Variants in XIRP2 observed in about 807,000 individuals in gnomAD.
The protein encoded by XIRP2 is xin actin binding repeat containing 2, also known as xin actin-binding repeat-containing protein 2.
Under a neutral mutation model 277.0 loss-of-function variants are expected in XIRP2, and 236 were observed. The observed-to-expected ratio is 0.85, with a 90% CI of 0.77 to 0.95. The LOEUF (loss-of-function observed/expected upper bound fraction) is 0.95. Ranked by LOEUF, XIRP2 falls within the 40% of genes least tolerant of loss-of-function variation. The pLI is 0.00. For missense variants in XIRP2, 4,640 were observed against 4,157.5 expected, an observed-to-expected ratio of 1.12 and a Z score of -3.19; for synonymous variants, 1,490 against 1,416.5, an observed-to-expected ratio of 1.05 and a Z score of -1.17.
chr2:166,947,363 G>T (rs1376362951), intron 2 of XIRP2, among the ~76,000 whole-genome samples: 1 of 152,072 alleles, frequency 6.6e-6, no homozygotes, highest in Non-Finnish European at 1.5e-5. Flanking sequence ...CAATTCTTTA[G>T]GGAGCACTTT....
chr2:166,913,326 C>T (rs995732388), intron 2 of XIRP2, among the ~76,000 whole-genome samples: 1 of 151,448 alleles, frequency 6.6e-6, no homozygotes, highest in African/African-American at 2.4e-5. Context: ...CCCCCCCAGC[C>T]TCGCTGCTGC....
At position 167,250,810 on chromosome 2, in the gene XIRP2, G is replaced by A. The variant is rs768044186; in HGVS notation, c.9418G>A (p.Glu3140Lys). 4 of 1,613,052 alleles carry A rather than the reference G, an allele frequency of 2.5e-6. No individual in the cohort carries two copies. The South Asian group carries it at 3.3e-5, about 13-fold the overall frequency. Reference protein sequence around the residue: ...ARRTENPTKNELSQSPKKDSY... With the variant: ...ARRTENPTKNKLSQSPKKDSY... ...ACGAACAGAAAACCCTACTAAGAAC[G>A]AGCTTTCTCAGTCCCCTAAAAAGGA... Residue 3140 changes from glutamate (E) to lysine (K), a missense_variant, in exon 9 of 11, where the codon GAG becomes AAG. Coordinates refer to ENST00000409195, the MANE Select transcript of XIRP2 (RefSeq NM_152381.6).
intron 2 of XIRP2, among the ~76,000 whole-genome samples, chr2:166,957,240 A>T (rs1428290993): frequency 6.6e-6 from 1 of 151,766 alleles, no homozygotes. Context: ...ATCATTCCTT[A>T]TTAAAATTAA....
chr2:167,078,860 G>T (rs577284113), intron 2 of XIRP2, among the ~76,000 whole-genome samples: 3 of 149,096 alleles, frequency 2.0e-5, no homozygotes, highest in South Asian at 4.3e-4. Flanking sequence ...AAAAAGGAAT[G>T]GCAAAAATCA....
At chr2:167,017,206 G>C (rs1271497292) in intron 2 of XIRP2, among the ~76,000 whole-genome samples, 1 of 151,956 alleles carries the variant, frequency 6.6e-6, no homozygotes, top group Non-Finnish European at 1.5e-5. Context: ...TCCTGAAGTT[G>C]TTCTCATGAC....
chr2:166,899,369 C>G (rs1684320119), intron 1 of XIRP2, among the ~76,000 whole-genome samples: 1 of 152,038 alleles, frequency 6.6e-6, no homozygotes, highest in African/African-American at 2.4e-5. Context: ...CATTATACCC[C>G]TAGCTTCAAC....
At chr2:167,039,039 A>G (rs966364038) in intron 2 of XIRP2, among the ~76,000 whole-genome samples, 14 of 152,110 alleles carry the variant, frequency 9.2e-5, no homozygotes, top group Non-Finnish European at 1.8e-4. Context: ...CTTTGAACCA[A>G]TTCTATTTAC....
intron 2 of XIRP2, among the ~76,000 whole-genome samples, chr2:167,062,020 A>G (rs1689184926): frequency 6.6e-6 from 1 of 152,210 alleles, no homozygotes; most frequent in Non-Finnish European, 1.5e-5. Flanking sequence ...TTTGGCATCT[A>G]TTAAGTCCAG....
chr2:167,156,177 G>T (rs1395296604), intron 3 of XIRP2, among the ~76,000 whole-genome samples: 1 of 151,904 alleles, frequency 6.6e-6, no homozygotes, highest in East Asian at 1.9e-4. Flanking sequence ...ACTGCCCAAG[G>T]TAATTTATAG....
chr2:167,005,043 A>C (rs1687470704), intron 2 of XIRP2, among the ~76,000 whole-genome samples: 1 of 151,910 alleles, frequency 6.6e-6, no homozygotes. Flanking sequence ...GCAAGAAATA[A>C]TAAATTCAAA....
At chr2:166,928,917 C>G (rs1350168482) in intron 2 of XIRP2, among the ~76,000 whole-genome samples, 3 of 152,038 alleles carry the variant, frequency 2.0e-5, no homozygotes, top group Non-Finnish European at 4.4e-5. Flanking sequence ...TCTTGGGATA[C>G]TTCATTATCT....
chr2:167,018,672 C>T lies in XIRP2; in HGVS notation c.408+114782C>T, dbSNP rs142472936. Among the ~76,000 whole-genome samples the T allele has an allele frequency of 4.7e-4, 71 of 152,166 alleles. 1 individual carries two copies. Among genetic ancestry groups the T allele is most frequent in the African/African-American group, 1.7e-3 (70 of 41,564 alleles). ...TGGCATCAGGCTGTGGTTGCCAGGG[C>T]TGTCAGTCCATTCTGCTCCTTGAAG... On this transcript the variant is annotated intron_variant, in intron 2 of 10. Coordinates refer to ENST00000409195, the MANE Select transcript of XIRP2 (RefSeq NM_152381.6).
chr2:167,226,815 G>C (rs776795900), intron 5 of XIRP2, among the ~76,000 whole-genome samples: 1 of 152,056 alleles, frequency 6.6e-6, no homozygotes, highest in East Asian at 1.9e-4. Context: ...TCTTTTCCAA[G>C]CTTCCGAAAC....
intron 2 of XIRP2, among the ~76,000 whole-genome samples, chr2:167,078,313 T>C (rs112058596): frequency 6.6e-6 from 1 of 152,226 alleles, no homozygotes; most frequent in Non-Finnish European, 1.5e-5. Context: ...CTGCAGATTT[T>C]TGTACATTGA....
chr2:166,983,043 GC>G (rs1395836222), intron 2 of XIRP2, among the ~76,000 whole-genome samples: 1 of 152,112 alleles, frequency 6.6e-6, no homozygotes, highest in Non-Finnish European at 1.5e-5. Context: ...CAGTTAGGTG[GC>G]TTTTGCTGTT....
At chr2:167,123,690 G>A (rs754059654) in intron 2 of XIRP2, among the ~76,000 whole-genome samples, 4 of 151,970 alleles carry the variant, frequency 2.6e-5, no homozygotes, top group Non-Finnish European at 4.4e-5. Context: ...ATGCACCCCT[G>A]CTGTCTCTTT....
intron 10 of XIRP2, among the ~76,000 whole-genome samples, chr2:167,256,611 G>A (rs1386820126): frequency 6.6e-6 from 1 of 151,372 alleles, no homozygotes; most frequent in Non-Finnish European, 1.5e-5. Flanking sequence ...TTATCTACAG[G>A]GATATTATAA....
chr2:166,892,149 C>A (rs570163827), intron 1 of XIRP2, among the ~76,000 whole-genome samples: 1 of 152,274 alleles, frequency 6.6e-6, no homozygotes, highest in African/African-American at 2.4e-5. Context: ...AGAAAAATTT[C>A]TATCCAACAA....
chr2:167,141,761 T>A (rs2105323848), intron 3 of XIRP2, among the ~76,000 whole-genome samples: 1 of 152,202 alleles, frequency 6.6e-6, no homozygotes, highest in African/African-American at 2.4e-5. Context: ...CCAGGGAGGC[T>A]GAGGCAGGAG....
Sources: allele counts gnomAD v4.1 joint callset (sites outside exome capture counted in the v4.1 genomes callset), GRCh38; gene constraint gnomAD v4.1.1; transcripts MANE v1.5; gene names NCBI Gene and HGNC (gene_info 2026-07-23, HGNC 2026-07-21).